CERS6: variants seen among roughly 807,000 people sequenced by gnomAD.
The protein encoded by CERS6 is LAG1 homolog, ceramide synthase 6.
A neutral mutation model predicts 56.8 loss-of-function variants in CERS6; 26 were observed. The ratio of observed to expected loss-of-function variants is 0.46; its 90% CI spans 0.34 to 0.63. CERS6 has a LOEUF of 0.63. Among genes scored for constraint, CERS6 ranks in the 30% least tolerant of loss-of-function variants. The probability of loss-of-function intolerance (pLI) is 0.01; values close to 1 mark genes in which losing one functional copy is unlikely to be tolerated. For missense variants in CERS6, 415 were observed against 467.5 expected, an observed-to-expected ratio of 0.89 and a Z score of 1.04; for synonymous variants, 164 against 173.3, an observed-to-expected ratio of 0.95 and a Z score of 0.42.
At position 168,515,535 on chromosome 2, in the gene CERS6, C is replaced by T. The variant is rs1345328965; in HGVS notation, c.171-32061C>T. Among the ~76,000 whole-genome samples, 8 of 152,284 alleles carry T rather than the reference C, an allele frequency of 5.3e-5. No individual in the cohort carries two copies. In the East Asian group the frequency reaches 1.5e-3, roughly 29 times the overall value. Reference sequence around the variant, plus strand: ...AGTGGGGACCACTTTAAGTTCATTGCTAAACATGCCAGCAAGATCATGATC... The same window carrying T: ...AGTGGGGACCACTTTAAGTTCATTGTTAAACATGCCAGCAAGATCATGATC... On this transcript the variant is annotated intron_variant, in intron 1 of 9. Transcript: ENST00000305747.
rs575986947 is a variant in CERS6 at position 168,769,758 on chromosome 2, C to T, written c.*96C>T. The stretch of plus-strand genomic sequence containing the variant: ...CAGTTCCTTTCATAATATCTCAGCA[C>T]CAGAAACAAAAATTAAGATTATCAA... On this transcript the variant is annotated 3_prime_UTR_variant, in exon 10 of 10. Transcript: ENST00000305747. 5.4e-5 allele frequency: 69 copies of T among 1,286,922 alleles called. 1 individual carries two copies. In the South Asian group the frequency reaches 8.7e-4, roughly 16 times the overall value. 79.7% of individuals were successfully genotyped at this position (1,286,922 alleles called of 1,614,324 possible).
chr2:168,673,740 CT>C (rs2105342131), intron 4 of CERS6, among the ~76,000 whole-genome samples: 2 of 152,280 alleles, frequency 1.3e-5, no homozygotes, highest in East Asian at 3.9e-4. Context: ...AATTAAGGAA[CT>C]TTTGTCTCTC....
chr2:168,760,816 C>A (rs1199887746), intron 8 of CERS6, among the ~76,000 whole-genome samples: 1 of 151,762 alleles, frequency 6.6e-6, no homozygotes, highest in East Asian at 1.9e-4. Flanking sequence ...AGTGCAGTGG[C>A]GCGATCTCGG....
intron 3 of CERS6, among the ~76,000 whole-genome samples, chr2:168,629,926 C>T (rs1258700210): frequency 6.6e-6 from 1 of 151,934 alleles, no homozygotes; most frequent in African/African-American, 2.4e-5. Context: ...CGCCATTCTC[C>T]TGCCTCAACC....
chr2:168,672,716 T>C (rs1685952915), intron 4 of CERS6, among the ~76,000 whole-genome samples: 1 of 152,228 alleles, frequency 6.6e-6, no homozygotes, highest in Non-Finnish European at 1.5e-5. Context: ...AGAGAGAAGC[T>C]TTATCTTATA....
At chr2:168,475,607 T>G (rs1694054490) in intron 1 of CERS6, among the ~76,000 whole-genome samples, 2 of 152,004 alleles carry the variant, frequency 1.3e-5, no homozygotes, top group Admixed American at 6.6e-5. Context: ...GAAAAAGGAG[T>G]GATTATATAT....
At chr2:168,641,285 A>G (rs1337558083) in intron 4 of CERS6, among the ~76,000 whole-genome samples, 3 of 151,824 alleles carry the variant, frequency 2.0e-5, no homozygotes, top group Admixed American at 1.3e-4. Context: ...CTTTCAATTA[A>G]ACTGATTGTA....
chr2:168,714,470 G>T (rs1378048814), intron 6 of CERS6, among the ~76,000 whole-genome samples: 1 of 152,206 alleles, frequency 6.6e-6, no homozygotes, highest in African/African-American at 2.4e-5. Flanking sequence ...ATCATTAGTA[G>T]TCAGAGAAGT....
Position 168,606,775 on chromosome 2 carries a change from A to T in CERS6, c.408-24210A>T, listed in dbSNP as rs533580986. Among the ~76,000 whole-genome samples the T allele has an allele frequency of 3.9e-5, 6 of 152,294 alleles. No individual in the cohort carries two copies. The South Asian group carries it at 1.2e-3, about 32-fold the overall frequency. On this transcript the variant is annotated intron_variant, in intron 3 of 9. Transcript: ENST00000305747. ...GGACCTGGTGGAAGGTGATTAGAAA[A>T]TCATGGGGTTGGTTTCTCTTGGTTT...
chr2:168,536,529 A>G (rs936679041), intron 1 of CERS6, among the ~76,000 whole-genome samples: 2 of 152,184 alleles, frequency 1.3e-5, no homozygotes, highest in Admixed American at 1.3e-4. Context: ...CTATATATGT[A>G]TCCTATAACA....
chr2:168,753,832 A>C (rs762617092), intron 8 of CERS6, among the ~76,000 whole-genome samples: 1 of 152,208 alleles, frequency 6.6e-6, no homozygotes, highest in Admixed American at 6.5e-5. Flanking sequence ...TTCCATGCCA[A>C]ATCACATCCT....
chr2:168,494,461 T>A (rs1464431263), intron 1 of CERS6, among the ~76,000 whole-genome samples: 1 of 152,182 alleles, frequency 6.6e-6, no homozygotes, highest in Non-Finnish European at 1.5e-5. Flanking sequence ...ATGATGAGGA[T>A]CAAATAAATT....
chr2:168,768,776 C>A (rs1457782101), intron 9 of CERS6, among the ~76,000 whole-genome samples: 9 of 151,664 alleles, frequency 5.9e-5, no homozygotes, highest in Admixed American at 5.9e-4. Context: ...CATGGTGGCT[C>A]ATGCCTGTAA....
At chr2:168,709,401 A>C (rs1362039007) in intron 6 of CERS6, among the ~76,000 whole-genome samples, 1 of 151,940 alleles carries the variant, frequency 6.6e-6, no homozygotes, top group African/African-American at 2.4e-5. Flanking sequence ...TTGAGTGAAG[A>C]CCATGTTTGA....
rs1303829657 is a variant in CERS6, at chr2:168,631,739, ATAAT to A, written c.465+700_465+703del. ...TATTTATATTTATATTATATATAAC[ATAAT>A]TATATATATTTTCATATTGTATATA... On this transcript the variant is annotated intron_variant, in intron 4 of 9. Transcript: ENST00000305747. Among the ~76,000 whole-genome samples, 8 of 122,122 alleles carry A rather than the reference ATAAT, an allele frequency of 6.6e-5. No homozygotes were observed. In the South Asian group the frequency reaches 1.4e-3, roughly 21 times the overall value. The allele number at this position is 122,122 out of a possible 152,430, so 80.1% of individuals were successfully genotyped here.
chr2:168,739,611 T>C lies in CERS6; in HGVS notation c.845+21633T>C, dbSNP rs975531549. 2.6e-5 allele frequency among the ~76,000 whole-genome samples: 4 copies of C among 152,326 alleles called. 1 individual carries two copies. In the Middle Eastern group the frequency reaches 0.01, roughly 389 times the overall value. Reference sequence around the variant, plus strand: ...CAGATGGAGTCTCCCGCGTTAAATTTATTTTTTATTTACTCTTGTTATTTT... The same window carrying C: ...CAGATGGAGTCTCCCGCGTTAAATTCATTTTTTATTTACTCTTGTTATTTT... On this transcript the variant is annotated intron_variant, in intron 8 of 9. Coordinates refer to ENST00000305747, the MANE Select transcript of CERS6 (RefSeq NM_203463.3).
At chr2:168,464,315 C>A (rs552111924) in intron 1 of CERS6, among the ~76,000 whole-genome samples, 1 of 151,832 alleles carries the variant, frequency 6.6e-6, no homozygotes, top group Non-Finnish European at 1.5e-5. Flanking sequence ...CCTCAGCCCC[C>A]CAAGTAGCTG....
chr2:168,585,666 T>G (rs772628977), intron 3 of CERS6, among the ~76,000 whole-genome samples: 1 of 152,230 alleles, frequency 6.6e-6, no homozygotes, highest in Non-Finnish European at 1.5e-5. Context: ...ATGATTACAT[T>G]CTGACCCTAG....
intron 4 of CERS6, among the ~76,000 whole-genome samples, chr2:168,655,636 CA>C (rs1352886653): frequency 6.6e-6 from 1 of 152,192 alleles, no homozygotes; most frequent in Non-Finnish European, 1.5e-5. Flanking sequence ...AAAAATACTG[CA>C]TGGTCTCACT....
Sources: gnomAD v4.1 joint callset for allele counts (sites outside exome capture counted in the v4.1 genomes callset) on GRCh38, gnomAD v4.1.1 for gene constraint, MANE v1.5 for transcripts, NCBI Gene and HGNC (gene_info 2026-07-23, HGNC 2026-07-21) for gene names.